TGFBR3: variants seen among roughly 807,000 people sequenced by gnomAD.
The protein encoded by TGFBR3 is transforming growth factor beta receptor 3.
A neutral mutation model predicts 87.9 loss-of-function variants in TGFBR3; 46 were observed. The observed-to-expected ratio is 0.52, with a 90% CI of 0.41 to 0.67. The LOEUF is 0.67. TGFBR3 is among the 30% of genes least tolerant of loss of function. The probability of loss-of-function intolerance (pLI) is 0.00; values close to 1 mark genes in which losing one functional copy is unlikely to be tolerated. For synonymous variants in TGFBR3, 381 were observed against 391.6 expected, an observed-to-expected ratio of 0.97 and a Z score of 0.32; for missense variants, 866 against 1,041.9, an observed-to-expected ratio of 0.83 and a Z score of 2.32.
At chr1:91,795,237 T>A (rs1013489538) in intron 3 of TGFBR3, among the ~76,000 whole-genome samples, 1 of 152,258 alleles carries the variant, frequency 6.6e-6, no homozygotes, top group Non-Finnish European at 1.5e-5. Flanking sequence ...GTCTGTTGTC[T>A]ATTCTCAGAA....
At chr1:91,803,034 C>T (rs1675695770) in intron 2 of TGFBR3, among the ~76,000 whole-genome samples, 1 of 152,200 alleles carries the variant, frequency 6.6e-6, no homozygotes, top group Non-Finnish European at 1.5e-5. Context: ...CCAAACTGAT[C>T]TGAAAAACCC....
At chr1:91,707,850 T>C (rs1313804282) in intron 14 of TGFBR3, among the ~76,000 whole-genome samples, 1 of 152,220 alleles carries the variant, frequency 6.6e-6, no homozygotes, top group Admixed American at 6.5e-5. Flanking sequence ...GGTGTGTCCT[T>C]GCTTGTTTAT....
At chr1:91,738,401 T>G (rs1467880162) in intron 4 of TGFBR3, among the ~76,000 whole-genome samples, 1 of 152,190 alleles carries the variant, frequency 6.6e-6, no homozygotes, top group Non-Finnish European at 1.5e-5. Context: ...GTTTGGATCA[T>G]GGGGGCAGAT....
At chr1:91,786,612 G>A (rs1444100442) in intron 3 of TGFBR3, among the ~76,000 whole-genome samples, 1 of 151,970 alleles carries the variant, frequency 6.6e-6, no homozygotes, top group Non-Finnish European at 1.5e-5. Context: ...TTAGCCAGGT[G>A]TAGTGGCGGG....
chr1:91,880,173 C>G (rs1283498200), intron 1 of TGFBR3, among the ~76,000 whole-genome samples: 1 of 152,142 alleles, frequency 6.6e-6, no homozygotes, highest in Non-Finnish European at 1.5e-5. Flanking sequence ...CTCTTAAATT[C>G]CAAATTGCTT....
intron 4 of TGFBR3, among the ~76,000 whole-genome samples, chr1:91,751,623 T>C (rs1454031771): frequency 6.9e-6 from 1 of 144,596 alleles, no homozygotes; most frequent in East Asian, 2.0e-4. Flanking sequence ...TATTTGGACC[T>C]TTTTTTTTTT....
At chr1:91,786,208 T>C (rs1161204887) in intron 3 of TGFBR3, 1 of 456,248 alleles carries the variant, frequency 2.2e-6, no homozygotes, top group South Asian at 1.5e-5. Flanking sequence ...GGGTTCTTAA[T>C]AGTGATTCAT....
intron 4 of TGFBR3, among the ~76,000 whole-genome samples, chr1:91,749,880 G>A (rs1673476309): frequency 6.6e-6 from 1 of 152,134 alleles, no homozygotes; most frequent in African/African-American, 2.4e-5. Flanking sequence ...CTCTCTGGAG[G>A]CTGGCCACCA....
chr1:91,877,993 A>G (rs1422253555), intron 1 of TGFBR3, among the ~76,000 whole-genome samples: 1 of 152,242 alleles, frequency 6.6e-6, no homozygotes, highest in African/African-American at 2.4e-5. Context: ...CACATAGGGA[A>G]GACCTTACGC....
upstream of TGFBR3, among the ~76,000 whole-genome samples, chr1:91,887,459 T>A (rs772636672): frequency 5.5e-4 from 83 of 151,642 alleles, no homozygotes; most frequent in Admixed American, 2.0e-3. Flanking sequence ...AGGGCGGGGG[T>A]CTCACTTAGT....
rs116010993 is a variant in TGFBR3, at chr1:91,706,573, G to T, written c.2287+2090C>A. ...CCTGCCCCTTTCTAGGACAGCTCAT[G>T]AATTACCCACCCCTTGTTTAGCATA... On this transcript the variant is annotated intron_variant, in intron 14 of 16. Coordinates refer to ENST00000212355, the MANE Select transcript of TGFBR3 (RefSeq NM_003243.5). 9.2e-3 allele frequency among the ~76,000 whole-genome samples: 1,397 copies of T among 152,304 alleles called. 24 individuals carry two copies. The highest frequency in any genetic ancestry group is 0.032 in the African/African-American group (1,314 of 41,562).
chr1:91,719,257 G>C (rs7524066), intron 10 of TGFBR3, 55 bp downstream of exon 10: 50 of 1,611,712 alleles, frequency 3.1e-5, no homozygotes, highest in Non-Finnish European at 4.2e-5. Context: ...AACTTTAAGG[G>C]AGCACACAGC....
intron 3 of TGFBR3, among the ~76,000 whole-genome samples, chr1:91,772,866 C>A (rs1205037647): frequency 6.6e-6 from 1 of 152,124 alleles, no homozygotes; most frequent in East Asian, 1.9e-4. Context: ...CTCTCTCATT[C>A]TTTTCAAAGA....
intron 16 of TGFBR3, among the ~76,000 whole-genome samples, chr1:91,686,435 A>G (rs1671092881): frequency 1.3e-5 from 2 of 152,134 alleles, no homozygotes; most frequent in African/African-American, 2.4e-5. Flanking sequence ...TATTATATTG[A>G]CTTTGATCCA....
At chr1:91,783,668 C>G (rs778513496) in intron 3 of TGFBR3, among the ~76,000 whole-genome samples, 6 of 152,200 alleles carry the variant, frequency 3.9e-5, no homozygotes, top group Non-Finnish European at 8.8e-5. Flanking sequence ...TGACCAGCAA[C>G]TTTTGAGCTG....
intron 1 of TGFBR3, among the ~76,000 whole-genome samples, chr1:91,866,463 G>A (rs1051900279): frequency 6.6e-6 from 1 of 152,158 alleles, no homozygotes; most frequent in African/African-American, 2.4e-5. Flanking sequence ...ACTGCTATAT[G>A]CCAGGCACTG....
At chr1:91,900,191 T>A (rs1366044383) in intron 1 of TGFBR3, among the ~76,000 whole-genome samples, 3 of 152,188 alleles carry the variant, frequency 2.0e-5, no homozygotes, top group African/African-American at 4.8e-5. Context: ...CTCAGCTGAC[T>A]GCAACCTCCA....
At chr1:91,807,716 T>G (rs545405632) in intron 2 of TGFBR3, among the ~76,000 whole-genome samples, 5 of 152,200 alleles carry the variant, frequency 3.3e-5, no homozygotes, top group Non-Finnish European at 7.3e-5. Context: ...GGTGCTGTTA[T>G]GTTTCATGGT....
intron 16 of TGFBR3, among the ~76,000 whole-genome samples, chr1:91,691,574 G>T (rs910141454): frequency 3.9e-5 from 6 of 152,214 alleles, no homozygotes; most frequent in African/African-American, 1.2e-4. Flanking sequence ...GACATGCAAG[G>T]TGTGAAAAAC....
Sources: gnomAD v4.1 joint callset for allele counts (sites outside exome capture counted in the v4.1 genomes callset) on GRCh38, gnomAD v4.1.1 for gene constraint, MANE v1.5 for transcripts, NCBI Gene and HGNC (gene_info 2026-07-23, HGNC 2026-07-21) for gene names.